Variants in NOMO1 observed in about 807,000 individuals in gnomAD.
NOMO1 encodes nodal modulator 3.
NOMO1 carries 40 observed loss-of-function variants against 133.8 expected under a neutral mutation model. The observed-to-expected ratio is 0.30, with a 90% confidence interval of 0.23 to 0.39. The LOEUF (loss-of-function observed/expected upper bound fraction) is 0.39, where lower values mean the gene tolerates loss of function less well. Among genes scored for constraint, NOMO1 ranks in the 10% least tolerant of loss-of-function variants. NOMO1 has a pLI of 1.00. For missense variants in NOMO1, 462 were observed against 1,419.9 expected (o/e 0.33, Z 10.84); for synonymous variants, 236 against 570.5 (o/e 0.41, Z 8.36).
intron 27 of NOMO1, 105 bp downstream of exon 27, chr16:14,884,587 A>G (rs1289735135): frequency 2.1e-5 from 33 of 1,572,084 alleles, no homozygotes; most frequent in Non-Finnish European, 2.7e-5. Flanking sequence ...CTTAGGTGTG[A>G]CAGGTGGAGG....
In NOMO1 at chr16:14,864,707, T is replaced by C. The variant is rs756297354; in HGVS notation, c.1518T>C (p.Ser506=). The stretch of plus-strand genomic sequence containing the variant: ...TTGTACAGTTCTTGGCATCAGTTTC[T>C]GGGAAAGTCTCTTGTTTGGGTAAGA... ...VAFVQFLASV[S]GKVSCLDTCG... The change falls in exon 13 of 31, where the codon TCT becomes TCC. Residue 506 remains serine, a synonymous_variant. Transcript: ENST00000287667. 1 of 1,613,528 alleles carries C rather than the reference T, an allele frequency of 6.2e-7. No homozygotes were observed. The highest frequency in any genetic ancestry group is 8.5e-7 in the Non-Finnish European group (1 of 1,179,778).
intron 27 of NOMO1, among the ~76,000 whole-genome samples, chr16:14,884,980 G>T (rs2151010592): frequency 6.6e-6 from 1 of 152,140 alleles, no homozygotes; most frequent in South Asian, 2.1e-4. Context: ...TTCTGGGGAG[G>T]CCTCAGGAGG....
chr16:14,883,941 T>C (rs1207344072), intron 26 of NOMO1, among the ~76,000 whole-genome samples: 72 of 144,412 alleles, frequency 5.0e-4, no homozygotes, highest in Middle Eastern at 7.4e-3. Flanking sequence ...ATGAAATTTC[T>C]TAATTTTTAA....
chr16:14,845,809 T>C (rs1350179215), intron 4 of NOMO1, among the ~76,000 whole-genome samples: 4 of 150,868 alleles, frequency 2.7e-5, no homozygotes, highest in Non-Finnish European at 5.9e-5. Flanking sequence ...TAATGGTGAA[T>C]CTTTTTTTAT....
intron 25 of NOMO1, 145 bp downstream of exon 25, chr16:14,881,830 A>G (rs1361992387): frequency 1.4e-6 from 1 of 721,356 alleles, no homozygotes; most frequent in East Asian, 2.6e-5. Context: ...TCTTACCTTT[A>G]ATTGGTAGAG....
chr16:14,888,687 G>A (rs535496324), intron 28 of NOMO1: 9 of 298,508 alleles, frequency 3.0e-5, no homozygotes, highest in South Asian at 2.5e-4. Flanking sequence ...GCCAGCTTAC[G>A]AGCCTCTCAA....
At chr16:14,873,229 T>C (rs1964104058) in intron 18 of NOMO1, among the ~76,000 whole-genome samples, 1 of 111,976 alleles carries the variant, frequency 8.9e-6, no homozygotes, top group Non-Finnish European at 2.2e-5. Context: ...GGCCAGGCCA[T>C]GTTAAGGTCC....
chr16:14,844,761 CTG>C lies in NOMO1; in HGVS notation c.392_393del (p.Val131GlufsTer44), dbSNP rs1421719889. ...ATCAACTTTGTCTTCACTGGGTTCT[CTG>C]TGAATGGCAAGGTTTGTCTTTGGAA... On this transcript the variant is annotated frameshift_variant, in exon 4 of 31. Transcript: ENST00000287667. LOFTEE classifies it high-confidence loss of function. 6 of 608,442 alleles carry C rather than the reference CTG, an allele frequency of 9.9e-6. No homozygotes were observed. The highest frequency in any genetic ancestry group is 1.7e-5 in the Non-Finnish European group (6 of 351,356). The allele number at this position is 608,442 out of a possible 1,614,324, so 37.7% of individuals were successfully genotyped here.
chr16:14,836,871 A>C (rs1458864160), intron 1 of NOMO1, among the ~76,000 whole-genome samples: 1 of 145,634 alleles, frequency 6.9e-6, no homozygotes, highest in African/African-American at 2.6e-5. Context: ...GCGCCCGGCT[A>C]ATTTTTTGTA....
At chr16:14,862,982 C>T (rs200946636) in intron 11 of NOMO1, 31 bp from the exon 12 acceptor site, 70 of 1,609,790 alleles carry the variant, frequency 4.3e-5, no homozygotes, top group Middle Eastern at 4.5e-4. Context: ...ATTGAGTCCT[C>T]GTGCTGGAAT....
intron 11 of NOMO1, among the ~76,000 whole-genome samples, chr16:14,861,975 G>A (rs1963928184): frequency 6.6e-6 from 1 of 150,630 alleles, no homozygotes; most frequent in African/African-American, 2.4e-5. Flanking sequence ...ATATGGCTGG[G>A]CAGTCCCTTC....
chr16:14,858,593 G>T (rs575964204), intron 11 of NOMO1, among the ~76,000 whole-genome samples: 1 of 152,078 alleles, frequency 6.6e-6, no homozygotes, highest in South Asian at 2.1e-4. Flanking sequence ...GTGGCTGCGG[G>T]TGTAAAGCTG....
chr16:14,837,228 T>C (rs1347962128), intron 1 of NOMO1, among the ~76,000 whole-genome samples: 2 of 151,812 alleles, frequency 1.3e-5, no homozygotes, highest in African/African-American at 4.8e-5. Flanking sequence ...TTGTCCAGGC[T>C]GGTCTCCTGG....
rs529261702 is a variant in NOMO1, at chr16:14,851,308, G to A, written c.583-1122G>A. On this transcript the variant is annotated intron_variant, in intron 6 of 30. Transcript: ENST00000287667. ...GCAAGTGTGAGGGCACTTCTGGCTTGCTGGTGCTATTCTGTTGGGTAACCA... is the reference window on the plus strand; with the variant it reads ...GCAAGTGTGAGGGCACTTCTGGCTTACTGGTGCTATTCTGTTGGGTAACCA... 5.9e-5 allele frequency among the ~76,000 whole-genome samples: 9 copies of A among 152,052 alleles called. No homozygotes were observed. The South Asian group carries it at 1.9e-3, about 32-fold the overall frequency.
At chr16:14,867,812 G>A (rs1029262942) in intron 15 of NOMO1, among the ~76,000 whole-genome samples, 22 of 145,578 alleles carry the variant, frequency 1.5e-4, no homozygotes, top group South Asian at 2.2e-4. Context: ...ATTAATATCC[G>A]GTTCATAATA....
At position 14,838,507 on chromosome 16, in the gene NOMO1, A is replaced by T; in HGVS notation, c.255+11A>T. On this transcript the variant is annotated intron_variant, in intron 2 of 30. Transcript: ENST00000287667. ...CCTTTGTATGATAAGGTAAGAGGGG[A>T]CTGCTTGTCACTTATGATGGGAAAT... 1 of 1,611,672 alleles carries T rather than the reference A, an allele frequency of 6.2e-7. No homozygotes were observed. Among genetic ancestry groups the T allele is most frequent in the South Asian group, 1.1e-5 (1 of 90,952 alleles).
chr16:14,860,324 C>T (rs412342), intron 11 of NOMO1, among the ~76,000 whole-genome samples: 1 of 149,792 alleles, frequency 6.7e-6, no homozygotes, highest in African/African-American at 2.5e-5. Flanking sequence ...GCTGAGATTG[C>T]ACCATTGCAC....
chr16:14,892,464 G>C (rs1385218888), intron 29 of NOMO1, among the ~76,000 whole-genome samples: 1 of 151,608 alleles, frequency 6.6e-6, no homozygotes, highest in Non-Finnish European at 1.5e-5. Flanking sequence ...CTTGGTGGTG[G>C]CCAAGCAGCC....
chr16:14,877,951 A>G (rs1197979487), intron 22 of NOMO1, among the ~76,000 whole-genome samples: 4 of 132,608 alleles, frequency 3.0e-5, no homozygotes, highest in East Asian at 2.3e-4. Flanking sequence ...GGATATTCCA[A>G]TTGTCTCTTG....
Sources: allele counts gnomAD v4.1 joint callset (sites outside exome capture counted in the v4.1 genomes callset), GRCh38; gene constraint gnomAD v4.1.1; transcripts MANE v1.5; gene names NCBI Gene and HGNC (gene_info 2026-07-23, HGNC 2026-07-21).